Variants in ADGRB3 observed in about 807,000 individuals in gnomAD.
ADGRB3 encodes the protein brain-specific angiogenesis inhibitor 3.
In ADGRB3, 37 loss-of-function variants were observed where a neutral mutation model predicts 193.4. The observed-to-expected ratio is 0.19, with a 90% CI of 0.15 to 0.25. ADGRB3 has a LOEUF of 0.25. Ranked by LOEUF, ADGRB3 falls within the 10% of genes least tolerant of loss-of-function variation. The pLI, the probability that ADGRB3 is intolerant of heterozygous loss-of-function variation, is 1.00. For synonymous variants in ADGRB3, 690 were observed against 644.2 expected (o/e 1.07, Z -1.08); for missense variants, 1,637 against 1,852.9 (o/e 0.88, Z 2.14).
At position 68,704,971 on chromosome 6, in the gene ADGRB3, T is replaced by G. The variant is rs372913955; in HGVS notation, c.757+65539T>G. On this transcript the variant is annotated intron_variant, in intron 3 of 31. Transcript: ENST00000370598. ...ATTTAGAGAAATACTGGGAAAATAT[T>G]TTTTAAATTACAAAATGCATTTATA... 1.8e-4 allele frequency among the ~76,000 whole-genome samples: 28 copies of G among 152,306 alleles called. No individual in the cohort carries two copies. The East Asian group carries it at 1.9e-3, about 10-fold the overall frequency.
chr6:69,244,774 C>T (rs770414816), intron 20 of ADGRB3, among the ~76,000 whole-genome samples: 2 of 151,994 alleles, frequency 1.3e-5, no homozygotes, highest in African/African-American at 2.4e-5. Context: ...TAGACCTAAG[C>T]TTGTTGTCAG....
intron 3 of ADGRB3, among the ~76,000 whole-genome samples, chr6:68,850,243 C>A (rs576036161): frequency 4.6e-5 from 7 of 151,858 alleles, no homozygotes; most frequent in African/African-American, 1.4e-4. Context: ...TTTAATTGGA[C>A]ATACTTGATG....
intron 3 of ADGRB3, among the ~76,000 whole-genome samples, chr6:68,749,198 T>G (rs1317032252): frequency 1.3e-5 from 2 of 152,202 alleles, no homozygotes; most frequent in African/African-American, 2.4e-5. Flanking sequence ...TTAGGCTCTT[T>G]GCTACTTATG....
chr6:68,884,963 G>T (rs1442807202), intron 3 of ADGRB3, among the ~76,000 whole-genome samples: 1 of 152,158 alleles, frequency 6.6e-6, no homozygotes, highest in African/African-American at 2.4e-5. Context: ...ATCTTAGGAA[G>T]TTGGTAATAT....
chr6:68,870,976 A>G (rs2150219717), intron 3 of ADGRB3, among the ~76,000 whole-genome samples: 1 of 152,272 alleles, frequency 6.6e-6, no homozygotes, highest in East Asian at 1.9e-4. Context: ...AGCCCTATTC[A>G]TTTAATTCTT....
At chr6:68,920,027 C>T (rs1032862388) in intron 3 of ADGRB3, among the ~76,000 whole-genome samples, 2 of 151,944 alleles carry the variant, frequency 1.3e-5, no homozygotes, top group Admixed American at 6.6e-5. Context: ...GTACAGCTGG[C>T]GGTAACTCAG....
chr6:69,245,994 C>A (rs190448584), intron 20 of ADGRB3, among the ~76,000 whole-genome samples: 1 of 152,098 alleles, frequency 6.6e-6, no homozygotes, highest in Non-Finnish European at 1.5e-5. Context: ...AAAGTAGAGT[C>A]CCCCACCCTA....
At chr6:69,129,029 G>T (rs1773930625) in intron 17 of ADGRB3, among the ~76,000 whole-genome samples, 1 of 152,096 alleles carries the variant, frequency 6.6e-6, no homozygotes, top group Non-Finnish European at 1.5e-5. Flanking sequence ...TAGGGTAAGT[G>T]ATTTACTTTT....
intron 17 of ADGRB3, among the ~76,000 whole-genome samples, chr6:69,128,713 GT>G (rs1773921440): frequency 6.6e-6 from 1 of 152,116 alleles, no homozygotes; most frequent in Non-Finnish European, 1.5e-5. Context: ...CAAAATGTAG[GT>G]TTAGCTTTGT....
chr6:68,890,597 T>G (rs567827768), intron 3 of ADGRB3, among the ~76,000 whole-genome samples: 5 of 152,342 alleles, frequency 3.3e-5, no homozygotes, highest in Admixed American at 1.3e-4. Context: ...GCAAGGGATA[T>G]AAATTTGTGT....
At chr6:68,923,436 T>G (rs1288768939) in intron 3 of ADGRB3, among the ~76,000 whole-genome samples, 1 of 151,998 alleles carries the variant, frequency 6.6e-6, no homozygotes, top group Non-Finnish European at 1.5e-5. Context: ...AAAGAAGACA[T>G]TTCATACTCC....
chr6:69,222,913 CACTTAGTTTAAGGTGA>C (rs1356432996), intron 17 of ADGRB3, among the ~76,000 whole-genome samples: 2 of 151,982 alleles, frequency 1.3e-5, no homozygotes, highest in African/African-American at 4.8e-5. Context: ...GATTATGAAC[CACTTAGTTTAAGGTGA>C]ACAGATTATT....
chr6:68,883,932 A>G (rs551971956), intron 3 of ADGRB3, among the ~76,000 whole-genome samples: 1 of 152,340 alleles, frequency 6.6e-6, no homozygotes, highest in African/African-American at 2.4e-5. Context: ...GAACTTAATA[A>G]TTTAAGGGTA....
intron 20 of ADGRB3, among the ~76,000 whole-genome samples, chr6:69,279,991 C>A (rs1231912592): frequency 6.6e-6 from 1 of 152,178 alleles, no homozygotes; most frequent in Non-Finnish European, 1.5e-5. Flanking sequence ...AGGCCTCCCA[C>A]GGTTGTGAGG....
chr6:69,238,975 AGAAACTATTTTTATATTTTTTATTTTT>A, intron 19 of ADGRB3, 122 bp from the exon 20 acceptor site: 1 of 410,294 alleles, frequency 2.4e-6, no homozygotes. Context: ...TTTTTATTTT[AGAAACTATTTTTATATTTTTTATTTTT>A]GTAAATATTC....
At chr6:69,052,728 G>A (rs1771435385) in intron 15 of ADGRB3, among the ~76,000 whole-genome samples, 1 of 152,068 alleles carries the variant, frequency 6.6e-6, no homozygotes, top group Non-Finnish European at 1.5e-5. Flanking sequence ...TGTCCCTTGA[G>A]CTGCAATTTT....
At chr6:68,849,007 G>T (rs1768344145) in intron 3 of ADGRB3, among the ~76,000 whole-genome samples, 1 of 151,914 alleles carries the variant, frequency 6.6e-6, no homozygotes. Context: ...AAACAAAAGA[G>T]TACATATAAG....
intron 15 of ADGRB3, among the ~76,000 whole-genome samples, chr6:69,058,856 G>A (rs1037400977): frequency 2.0e-5 from 3 of 151,892 alleles, no homozygotes; most frequent in African/African-American, 4.8e-5. Flanking sequence ...TTTGTTTTGT[G>A]GCTTAACATG....
At position 68,726,392 on chromosome 6, in the gene ADGRB3, G is replaced by A. The variant is rs75900371; in HGVS notation, c.757+86960G>A. 5.9e-5 allele frequency among the ~76,000 whole-genome samples: 9 copies of A among 151,692 alleles called. No homozygotes were observed. The East Asian group carries it at 1.6e-3, about 26-fold the overall frequency. On this transcript the variant is annotated intron_variant, in intron 3 of 31. Transcript: ENST00000370598. ...AAACCAAATTTGGGATTGATCTCCT[G>A]ATTCCTGGTCTGATATGTTATCCAT...
Sources: allele counts gnomAD v4.1 joint callset (sites outside exome capture counted in the v4.1 genomes callset), GRCh38; gene constraint gnomAD v4.1.1; transcripts MANE v1.5; gene names NCBI Gene and HGNC (gene_info 2026-07-23, HGNC 2026-07-21).